PPL: variants seen among roughly 807,000 people sequenced by gnomAD.
The protein encoded by PPL is periplakin.
A neutral mutation model predicts 194.4 loss-of-function variants in PPL; 198 were observed. The ratio of observed to expected loss-of-function variants is 1.02; its 90% CI spans 0.91 to 1.15. PPL has a LOEUF of 1.15. Among genes scored for constraint, PPL ranks in the 50% most tolerant of loss-of-function variants. The pLI is 0.00. For synonymous variants in PPL, 1,220 were observed against 972.4 expected (o/e 1.25, Z -4.74); for missense variants, 2,885 against 2,294.8 (o/e 1.26, Z -5.25).
rs74003568 is a variant in PPL at position 4,903,415 on chromosome 16, T to A, written c.317+471A>T. 7.4e-3 allele frequency among the ~76,000 whole-genome samples: 1,124 copies of A among 152,242 alleles called. 9 individuals are homozygous for A. Among genetic ancestry groups the A allele is most frequent in the African/African-American group, 0.026 (1,065 of 41,544 alleles). The stretch of plus-strand genomic sequence containing the variant: ...CAAAATAGGGTCATCAAGAGGATCA[T>A]GTGAGGCTGGGCGCGGTGGCTCACA... On this transcript the variant is annotated intron_variant, in intron 3 of 21. Transcript: ENST00000345988.
At chr16:4,901,114 T>A (rs1568016624) in intron 4 of PPL, 25 bp from the exon 5 acceptor site, 2 of 1,612,628 alleles carry the variant, frequency 1.2e-6, no homozygotes, top group Admixed American at 1.7e-5. Flanking sequence ...AGAGAAGCAA[T>A]AAGGAGAGGG....
chr16:4,889,254 T>G lies in PPL; in HGVS notation c.2314-193A>C, dbSNP rs1243654453. 2.1e-3 allele frequency among the ~76,000 whole-genome samples: 252 copies of G among 119,528 alleles called. 2 individuals are homozygous for G. Among genetic ancestry groups the G allele is most frequent in the South Asian group, 8.7e-3 (27 of 3,090 alleles). The allele number at this position is 119,528 out of a possible 152,430, so 78.4% of individuals were successfully genotyped here. On this transcript the variant is annotated intron_variant, in intron 18 of 21. Coordinates refer to ENST00000345988, the MANE Select transcript of PPL (RefSeq NM_002705.5). ...TTTGTTGTTGTTGTTTTTTTTTTTT[T>G]TTTTTTTTTTTTTTTTTTTTGAGAC...
chr16:4,888,212 C>A lies in PPL; in HGVS notation c.2404G>T (p.Glu802Ter). 6.3e-7 allele frequency: 1 copy of A among 1,595,956 alleles called. No individual in the cohort carries two copies. The highest frequency in any genetic ancestry group is 1.1e-5 in the South Asian group (1 of 90,680). ...GACCTTAGTTTTTCTGCTTCTAACTCATAGTCCTGCATGAGGGAGAGACAT... is the reference window on the plus strand; with the variant it reads ...GACCTTAGTTTTTCTGCTTCTAACTAATAGTCCTGCATGAGGGAGAGACAT... The part of the protein sequence containing the change: ...QQYQQAVKDY[E>*]LEAEKLRSLL... The change falls in exon 20 of 22, where the codon GAG becomes TAG. Residue 802 changes from glutamate to a stop codon, truncating the protein, a stop_gained. Coordinates refer to ENST00000345988, the MANE Select transcript of PPL (RefSeq NM_002705.5). LOFTEE classifies it high-confidence loss of function.
intron 2 of PPL, among the ~76,000 whole-genome samples, chr16:4,906,217 T>A (rs1302499715): frequency 1.3e-5 from 2 of 152,112 alleles, no homozygotes; most frequent in African/African-American, 2.4e-5. Flanking sequence ...GTGGAATTTT[T>A]AAATTTTTTT....
At chr16:4,930,406 G>A (rs77833198) in intron 1 of PPL, among the ~76,000 whole-genome samples, 3,406 of 152,296 alleles carry the variant, frequency 0.022, 139 homozygotes, top group African/African-American at 0.078. Context: ...TCCACTAGCT[G>A]GAACCCCTGC....
At chr16:4,892,005 C>G in intron 15 of PPL, 30 bp downstream of exon 15, 1 of 1,611,380 alleles carries the variant, frequency 6.2e-7, no homozygotes, top group Non-Finnish European at 8.5e-7. Flanking sequence ...GACCCCACCC[C>G]AACCTCCATG....
At position 4,897,718 on chromosome 16, in the gene PPL, A is replaced by T. The variant is rs778963369; in HGVS notation, c.929T>A (p.Ile310Asn). 3.7e-6 allele frequency: 6 copies of T among 1,613,948 alleles called. No individual in the cohort carries two copies. The South Asian group carries it at 6.6e-5, about 18-fold the overall frequency. Residue 310 changes from isoleucine (I) to asparagine (N), a missense_variant, in exon 9 of 22, where the codon ATC becomes AAC. Transcript: ENST00000345988. ...ADWKEYLNLL[I>N]CEESHLKYME... ...GTACTTGAGGTGGCTCTCCTCGCAGATGAGCAGGTTCAGGTACTCCTTCCA... is the reference window on the plus strand; with the variant it reads ...GTACTTGAGGTGGCTCTCCTCGCAGTTGAGCAGGTTCAGGTACTCCTTCCA...
At chr16:4,935,786 G>A (rs2089289850) in intron 1 of PPL, among the ~76,000 whole-genome samples, 1 of 152,200 alleles carries the variant, frequency 6.6e-6, no homozygotes, top group Non-Finnish European at 1.5e-5. Flanking sequence ...GGGTTGAGTG[G>A]GAGCCCTGGG....
intron 1 of PPL, among the ~76,000 whole-genome samples, chr16:4,926,886 A>AC (rs1899879817): frequency 8.6e-6 from 1 of 115,660 alleles, no homozygotes; most frequent in Admixed American, 8.0e-5. Context: ...CTCAAAAAAA[A>AC]AAAAAACAAA....
Position 4,893,200 on chromosome 16 carries a change from G to T in PPL, c.1650+13C>A, listed in dbSNP as rs766138067. 3.2e-6 allele frequency: 5 copies of T among 1,540,438 alleles called. No homozygotes were observed. In the South Asian group the frequency reaches 5.9e-5, roughly 18 times the overall value. On this transcript the variant is annotated intron_variant, in intron 14 of 21. Coordinates refer to ENST00000345988, the MANE Select transcript of PPL (RefSeq NM_002705.5). ...CTCCCCCGGCCCCACCTGTGCTCCT[G>T]ACCCGCAGGTACCTTGAGGTCCTTG...
intron 1 of PPL, among the ~76,000 whole-genome samples, chr16:4,925,101 G>A (rs1371792304): frequency 6.6e-6 from 1 of 152,184 alleles, no homozygotes; most frequent in African/African-American, 2.4e-5. Flanking sequence ...TATTGGGGTT[G>A]CATTGCTGCT....
Position 4,893,237 on chromosome 16 carries a change from A to G in PPL, c.1626T>C (p.Ser542=), listed in dbSNP as rs1380681957. The change falls in exon 14 of 22, where the codon AGT becomes AGC. Residue 542 remains serine, a synonymous_variant. Coordinates refer to ENST00000345988, the MANE Select transcript of PPL (RefSeq NM_002705.5). ...CCTTGAGGTCCTTGGCCCGCTCGGC[A>G]CTGTCCTGCACAGCCCGGCCTTGCT... is the stretch of plus-strand genomic sequence containing the variant. The part of the protein sequence containing the change: ...PLEQGRAVQD[S]AERAKDLKNI... 1.3e-6 allele frequency: 2 copies of G among 1,585,100 alleles called. No homozygotes were observed. Among genetic ancestry groups the G allele is most frequent in the South Asian group, 2.3e-5 (2 of 88,436 alleles).
At chr16:4,904,327 T>C (rs550420785) in intron 2 of PPL, among the ~76,000 whole-genome samples, 1 of 151,894 alleles carries the variant, frequency 6.6e-6, no homozygotes, top group Non-Finnish European at 1.5e-5. Flanking sequence ...ATGCAAGGAG[T>C]TGGGACACAG....
rs912057212 is a variant in PPL, at chr16:4,893,294, C to T, written c.1569G>A (p.Lys523=). 2.5e-6 allele frequency: 4 copies of T among 1,605,362 alleles called. No individual in the cohort carries two copies. The highest frequency in any genetic ancestry group is 2.2e-5 in the East Asian group (1 of 44,778). The change falls in exon 14 of 22, where the codon AAG becomes AAA. Residue 523 remains lysine (K), a synonymous_variant. Coordinates refer to ENST00000345988, the MANE Select transcript of PPL (RefSeq NM_002705.5). ...GTGGCCGCAGGATCCCTGTGATGGC[C>T]TTCTCCTGCCGGTCCAGGTCGCTGG... is the stretch of plus-strand genomic sequence containing the variant. ...KVASDLDRQE[K]AITGILRPPL...
chr16:4,907,614 T>A (rs1296719712), intron 2 of PPL, among the ~76,000 whole-genome samples: 1 of 151,938 alleles, frequency 6.6e-6, no homozygotes, highest in Non-Finnish European at 1.5e-5. Context: ...AGGGAAATGT[T>A]TGGGAACTAG....
chr16:4,933,088 G>A (rs561502313), intron 1 of PPL, among the ~76,000 whole-genome samples: 1 of 151,394 alleles, frequency 6.6e-6, no homozygotes, highest in African/African-American at 2.4e-5. Context: ...TGCAACCTCT[G>A]CCTCCCAGGT....
At chr16:4,890,603 G>T in intron 17 of PPL, 125 bp downstream of exon 17, 2 of 1,200,688 alleles carry the variant, frequency 1.7e-6, no homozygotes, top group Non-Finnish European at 2.3e-6. Flanking sequence ...GGCCGTCAGA[G>T]AATCTGACGA....
chr16:4,906,044 G>T (rs542426130), intron 2 of PPL, among the ~76,000 whole-genome samples: 1 of 152,088 alleles, frequency 6.6e-6, no homozygotes, highest in Non-Finnish European at 1.5e-5. Flanking sequence ...GGAGTTCAAG[G>T]CTGCAATGAG....
At position 4,884,825 on chromosome 16, in the gene PPL, T is replaced by C; in HGVS notation, c.3830A>G (p.Gln1277Arg). ...CTGGGGTTTGGTGTCTTTCAGGGCC[T>C]GGATTTCCTTTTTCAGCTGGTAGAT... ...LEIYQLKKEIQALKDTKPQVQ... is the reference protein window; with the variant it reads ...LEIYQLKKEIRALKDTKPQVQ... Residue 1277 changes from glutamine to arginine, a missense_variant, in exon 22 of 22, where the codon CAG (glutamine) becomes CGG (arginine). Transcript: ENST00000345988. This position sits in a 1 kb window ranked among gnomAD's most constrained non-coding sequence, Gnocchi z 5.7. The C allele has an allele frequency of 5.0e-6, 8 of 1,614,196 alleles. 1 individual carries two copies. Among genetic ancestry groups the C allele is most frequent in the East Asian group, 2.2e-5 (1 of 44,872 alleles).
Sources: allele counts gnomAD v4.1 joint callset (sites outside exome capture counted in the v4.1 genomes callset), GRCh38; gene constraint gnomAD v4.1.1; non-coding constraint Gnocchi (gnomAD v3.1); transcripts MANE v1.5; gene names NCBI Gene and HGNC (gene_info 2026-07-23, HGNC 2026-07-21).